Variants in FOCAD observed in about 807,000 individuals in gnomAD.
The protein encoded by FOCAD is KIAA1797.
Under a neutral mutation model 225.6 loss-of-function variants are expected in FOCAD, and 198 were observed. The observed-to-expected ratio is 0.88, with a 90% CI of 0.78 to 0.99. The LOEUF is 0.99. FOCAD is among the 50% of genes least tolerant of loss of function. FOCAD has a pLI of 0.00. For synonymous variants in FOCAD, 897 were observed against 755.0 expected (o/e 1.19, Z -3.08); for missense variants, 2,713 against 2,123.6 (o/e 1.28, Z -5.46).
intron 24 of FOCAD, among the ~76,000 whole-genome samples, chr9:20,917,985 A>G (rs1371549264): frequency 6.6e-6 from 1 of 152,238 alleles, no homozygotes; most frequent in African/African-American, 2.4e-5. Context: ...ATATCTGTTG[A>G]TAAAATGAAA....
Position 20,978,526 on chromosome 9 carries a change from G to A in FOCAD, c.4377+72G>A, listed in dbSNP as rs1006865170. 5.7e-6 allele frequency: 6 copies of A among 1,056,286 alleles called. No homozygotes were observed. In the African/African-American group the frequency reaches 6.4e-5, roughly 11 times the overall value. The allele number at this position is 1,056,286 out of a possible 1,614,324, so 65.4% of individuals were successfully genotyped here. On this transcript the variant is annotated intron_variant, in intron 37 of 43. Coordinates refer to ENST00000338382, the MANE Select transcript of FOCAD (RefSeq NM_001375567.1). ...TAGGAGGATATTAACATTCATTTGG[G>A]TGTGTGTTCTCAAAGTCAAGAGGAG...
chr9:20,721,122 A>G (rs1825736261), intron 4 of FOCAD, among the ~76,000 whole-genome samples: 1 of 152,190 alleles, frequency 6.6e-6, no homozygotes, highest in Admixed American at 6.5e-5. Context: ...GTCAAACAGG[A>G]CCATGTTTGA....
In FOCAD at chr9:20,926,414, T is replaced by C; in HGVS notation, c.3075T>C (p.Tyr1025=). 1 of 1,563,180 alleles carries C rather than the reference T, an allele frequency of 6.4e-7. No homozygotes were observed. The highest frequency in any genetic ancestry group is 8.8e-7 in the Non-Finnish European group (1 of 1,133,870). The stretch of plus-strand genomic sequence containing the variant: ...GAGGGCAACTTCTCTCCTGGTTTTA[T>C]TATGTAAGTGCAAAAAATAAAAAAT... ...QPRGQLLSWF[Y]YKSYSGENTA... is the part of the protein sequence containing the mutation. The change falls in exon 26 of 44, where the codon TAT becomes TAC. Residue 1025 remains tyrosine, a synonymous_variant. Transcript: ENST00000338382.
At chr9:20,717,766 G>A (rs1392123419) in intron 2 of FOCAD, 28 bp from the exon 3 acceptor site, 1 of 1,556,946 alleles carries the variant, frequency 6.4e-7, no homozygotes, top group East Asian at 2.3e-5. Flanking sequence ...CTAAGGGACT[G>A]TGTTCATTAA....
intron 1 of FOCAD, among the ~76,000 whole-genome samples, chr9:20,712,895 G>A (rs1428746975): frequency 2.6e-5 from 4 of 151,654 alleles, no homozygotes; most frequent in African/African-American, 9.7e-5. Context: ...ACCACATCTG[G>A]CTAATTTTTG....
chr9:20,995,473 G>GA, intron 43 of FOCAD, 83 bp from the exon 44 acceptor site: 1 of 1,203,482 alleles, frequency 8.3e-7, no homozygotes. Flanking sequence ...AGCCAAGTGA[G>GA]AAAAAGACAA....
intron 11 of FOCAD, among the ~76,000 whole-genome samples, chr9:20,818,323 A>C (rs1823951526): frequency 6.6e-6 from 1 of 151,938 alleles, no homozygotes; most frequent in Non-Finnish European, 1.5e-5. Context: ...CATTCTGTAC[A>C]TTGTCCTTTC....
chr9:20,773,355 C>T (rs1208359045), intron 8 of FOCAD, among the ~76,000 whole-genome samples: 3 of 152,210 alleles, frequency 2.0e-5, no homozygotes, highest in Non-Finnish European at 2.9e-5. Context: ...GAGTTTGTTA[C>T]AAATGCACAT....
At chr9:20,857,771 T>G (rs1012953518) in intron 15 of FOCAD, among the ~76,000 whole-genome samples, 20 of 105,372 alleles carry the variant, frequency 1.9e-4, no homozygotes, top group African/African-American at 6.7e-4. Context: ...TATACCCAGT[T>G]TTTTTTTTTT....
intron 4 of FOCAD, among the ~76,000 whole-genome samples, chr9:20,724,744 AC>A (rs1312585789): frequency 6.6e-6 from 1 of 152,044 alleles, no homozygotes; most frequent in East Asian, 1.9e-4. Context: ...CAAAAAAAAA[AC>A]CCCAACAAAA....
intron 2 of FOCAD, among the ~76,000 whole-genome samples, chr9:20,660,060 G>T (rs1400564230): frequency 6.6e-6 from 1 of 152,172 alleles, no homozygotes; most frequent in Non-Finnish European, 1.5e-5. Context: ...TAATGAGTTT[G>T]GTTTTTTGAG....
chr9:20,854,059 T>A (rs979710237), intron 15 of FOCAD, among the ~76,000 whole-genome samples: 2 of 151,706 alleles, frequency 1.3e-5, no homozygotes, highest in Non-Finnish European at 3.0e-5. Flanking sequence ...GCAGTTTCTT[T>A]TGCCTTCATT....
At chr9:20,868,619 C>T (rs781038338) in intron 18 of FOCAD, among the ~76,000 whole-genome samples, 1 of 151,786 alleles carries the variant, frequency 6.6e-6, no homozygotes, top group Non-Finnish European at 1.5e-5. Flanking sequence ...TTGGGGTTTT[C>T]TATATATGTT....
At chr9:20,941,506 A>C (rs1385089879) in intron 28 of FOCAD, among the ~76,000 whole-genome samples, 1 of 152,226 alleles carries the variant, frequency 6.6e-6, no homozygotes, top group Non-Finnish European at 1.5e-5. Flanking sequence ...GGAATTGAAG[A>C]TTCATCTCTG....
At chr9:20,804,969 A>T (rs1822259184) in intron 11 of FOCAD, among the ~76,000 whole-genome samples, 1 of 152,138 alleles carries the variant, frequency 6.6e-6, no homozygotes, top group Non-Finnish European at 1.5e-5. Context: ...AATGTTTCCC[A>T]TTACACCCTT....
At chr9:20,939,670 T>C (rs542830095) in intron 28 of FOCAD, among the ~76,000 whole-genome samples, 4 of 152,048 alleles carry the variant, frequency 2.6e-5, no homozygotes, top group African/African-American at 7.2e-5. Context: ...CATTCTTACC[T>C]TCTTTGTTGA....
At chr9:20,933,877 A>AT (rs1319962562) in intron 28 of FOCAD, among the ~76,000 whole-genome samples, 71 of 144,766 alleles carry the variant, frequency 4.9e-4, no homozygotes, top group African/African-American at 8.8e-4. Flanking sequence ...ACCAACATCT[A>AT]TTTTTTTTTT....
intron 28 of FOCAD, among the ~76,000 whole-genome samples, chr9:20,943,799 T>G (rs1836906249): frequency 6.6e-6 from 1 of 152,186 alleles, no homozygotes; most frequent in Non-Finnish European, 1.5e-5. Flanking sequence ...TTTTCTCCAT[T>G]TAAAAAACAA....
At chr9:20,787,272 C>T (rs1004210367) in intron 10 of FOCAD, among the ~76,000 whole-genome samples, 3 of 152,248 alleles carry the variant, frequency 2.0e-5, no homozygotes, top group South Asian at 2.1e-4. Context: ...TTATTTTTCT[C>T]TCCGGAAGAT....
Sources: allele counts gnomAD v4.1 joint callset (sites outside exome capture counted in the v4.1 genomes callset), GRCh38; gene constraint gnomAD v4.1.1; transcripts MANE v1.5; gene names NCBI Gene and HGNC (gene_info 2026-07-23, HGNC 2026-07-21).